Variants in KSR1 observed in about 807,000 individuals in gnomAD.
KSR1 encodes kinase suppressor of ras.
In KSR1, 35 loss-of-function variants were observed where a neutral mutation model predicts 92.9. The observed-to-expected ratio is 0.38, with a 90% CI of 0.29 to 0.50. The LOEUF is 0.50. Among genes scored for constraint, KSR1 ranks in the 20% least tolerant of loss-of-function variants. The pLI, the probability that KSR1 is intolerant of heterozygous loss-of-function variation, is 0.94. For synonymous variants in KSR1, 467 were observed against 472.6 expected (o/e 0.99, Z 0.15); for missense variants, 972 against 1,158.5 (o/e 0.84, Z 2.34).
At chr17:27,540,102 C>T (rs2070902118) in intron 1 of KSR1, among the ~76,000 whole-genome samples, 1 of 152,248 alleles carries the variant, frequency 6.6e-6, no homozygotes, top group Non-Finnish European at 1.5e-5. Context: ...TCTTCTTTCC[C>T]TGACTGCTCA....
intron 3 of KSR1, among the ~76,000 whole-genome samples, chr17:27,581,466 G>A (rs978070828): frequency 3.9e-5 from 6 of 151,914 alleles, no homozygotes; most frequent in African/African-American, 1.5e-4. Flanking sequence ...AGAACTCTTC[G>A]TAGTGACCAG....
chr17:27,536,267 T>C (rs752970831), intron 1 of KSR1, among the ~76,000 whole-genome samples: 1 of 152,070 alleles, frequency 6.6e-6, no homozygotes, highest in Non-Finnish European at 1.5e-5. Flanking sequence ...CTTGGGTGGC[T>C]CATTTGCTGG....
intron 2 of KSR1, among the ~76,000 whole-genome samples, chr17:27,567,584 T>C (rs999712888): frequency 6.6e-6 from 1 of 152,190 alleles, no homozygotes; most frequent in Non-Finnish European, 1.5e-5. Context: ...TGCACAGGGC[T>C]CTGGGCCCAC....
chr17:27,539,294 A>G (rs2070871988), intron 1 of KSR1, among the ~76,000 whole-genome samples: 1 of 152,100 alleles, frequency 6.6e-6, no homozygotes, highest in African/African-American at 2.4e-5. Flanking sequence ...TGTGTGTTTG[A>G]ACTGGGACAC....
chr17:27,614,990 T>C (rs1331032543), intron 18 of KSR1, among the ~76,000 whole-genome samples: 1 of 152,230 alleles, frequency 6.6e-6, no homozygotes, highest in Non-Finnish European at 1.5e-5. Flanking sequence ...CACACTGCTG[T>C]ATAGTTCACC....
rs71372333 is a variant in KSR1, at chr17:27,622,319, C to T, written c.2709-995C>T. On this transcript the variant is annotated intron_variant, in intron 20 of 20. Coordinates refer to ENST00000644974, the MANE Select transcript of KSR1 (RefSeq NM_001394583.1). ...ACCTTAGTGAGATGCCTTCCACCCT[C>T]CTGAGCACACCAGCCTCCCACTGGG... 1,501 of 234,400 alleles carry T rather than the reference C, an allele frequency of 6.4e-3. 8 individuals carry two copies. The highest frequency in any genetic ancestry group is 9.1e-3 in the Non-Finnish European group (1,098 of 120,536). The allele number at this position is 234,400 out of a possible 1,614,324, so 14.5% of individuals were successfully genotyped here. A position where few individuals can be genotyped will look rare whatever the true frequency, so the allele number is the denominator to read the frequency against.
Position 27,526,661 on chromosome 17 carries a change from C to G in KSR1, c.232-23907C>G. 4.5e-6 allele frequency: 7 copies of G among 1,557,668 alleles called. No individual in the cohort carries two copies. The Admixed American group carries it at 5.0e-5, about 11-fold the overall frequency. The stretch of plus-strand genomic sequence containing the variant: ...TAAAGCACCTTCCTGAGAGATTTTG[C>G]TCATGTAGTTTTTATTGGCTGTTAT... On this transcript the variant is annotated intron_variant, in intron 1 of 20. Coordinates refer to ENST00000644974, the MANE Select transcript of KSR1 (RefSeq NM_001394583.1).
Position 27,541,055 on chromosome 17 carries a change from G to A in KSR1, c.232-9513G>A, listed in dbSNP as rs542439676. Among the ~76,000 whole-genome samples, 15 of 152,382 alleles carry A rather than the reference G, an allele frequency of 9.8e-5. No individual in the cohort carries two copies. The South Asian group carries it at 3.1e-3, about 32-fold the overall frequency. On this transcript the variant is annotated intron_variant, in intron 1 of 20. Coordinates refer to ENST00000644974, the MANE Select transcript of KSR1 (RefSeq NM_001394583.1). ...CAGCAGCTTCAGGGACCACTGGAAT[G>A]AAGGCTGGAGTAAGTTGCCAGGGCT... is the stretch of plus-strand genomic sequence containing the variant.
Position 27,456,489 on chromosome 17 carries a change from G to A in KSR1, c.-155G>A. On this transcript the variant is annotated 5_prime_UTR_variant, in exon 1 of 21. Transcript: ENST00000644974. ...CTTTGCTGCCGCGGCTGGGAGGGTG[G>A]AAGCGGCAGACTCAGCGGCCGGCTC... is the stretch of plus-strand genomic sequence containing the variant. 2.5e-6 allele frequency: 1 copy of A among 393,242 alleles called. No individual in the cohort carries two copies. Among genetic ancestry groups the A allele is most frequent in the Admixed American group, 4.6e-5 (1 of 21,880 alleles). The allele number at this position is 393,242 out of a possible 1,614,324, so 24.4% of individuals were successfully genotyped here.
chr17:27,532,615 G>T (rs1835334151), intron 1 of KSR1, among the ~76,000 whole-genome samples: 1 of 152,222 alleles, frequency 6.6e-6, no homozygotes, highest in African/African-American at 2.4e-5. Flanking sequence ...CTGGTTCTTT[G>T]TCAGCGGGTG....
intron 5 of KSR1, among the ~76,000 whole-genome samples, chr17:27,586,799 G>T (rs1013687321): frequency 6.6e-5 from 10 of 152,166 alleles, no homozygotes; most frequent in African/African-American, 9.7e-5. Context: ...GGCTTTTGGG[G>T]CTAATTGATT....
chr17:27,607,280 C>G (rs979325535), intron 14 of KSR1, among the ~76,000 whole-genome samples: 13 of 152,106 alleles, frequency 8.5e-5, no homozygotes, highest in Non-Finnish European at 1.9e-4. Context: ...GAATATTTTC[C>G]TAAAAACATA....
At chr17:27,532,035 G>T (rs1365886753) in intron 1 of KSR1, among the ~76,000 whole-genome samples, 1 of 152,216 alleles carries the variant, frequency 6.6e-6, no homozygotes, top group Non-Finnish European at 1.5e-5. Context: ...TCTACTTTGT[G>T]TGAGTTTGAC....
intron 1 of KSR1, among the ~76,000 whole-genome samples, chr17:27,463,850 G>C (rs950685073): frequency 1.2e-4 from 19 of 152,246 alleles, no homozygotes; most frequent in Middle Eastern, 3.4e-3. Flanking sequence ...GCTATTTGGG[G>C]TGCCTGGCTT....
rs1157577943 is a variant in KSR1 at position 27,588,500 on chromosome 17, G to C, written c.1011G>C (p.Met337Ile). ...RFDLSHGSPQ[M>I]VRRDIGLSVT... Reference sequence around the variant, plus strand: ...ATCTCTCGCATGGATCCCCACAGATGGTACGGAGGGATATCGGGCTGTCGG... The same window carrying C: ...ATCTCTCGCATGGATCCCCACAGATCGTACGGAGGGATATCGGGCTGTCGG... Residue 337 changes from methionine to isoleucine, a missense_variant, in exon 6 of 21, where the codon ATG (methionine) becomes ATC (isoleucine). Around this residue, in one of 5 missense-constraint regions of KSR1, gnomAD observed 611 missense variants for 668.0 expected, o/e 0.91. Transcript: ENST00000644974. The C allele has an allele frequency of 6.3e-7, 1 of 1,591,378 alleles. No individual in the cohort carries two copies. The highest frequency in any genetic ancestry group is 2.3e-5 in the East Asian group (1 of 43,942).
intron 19 of KSR1, among the ~76,000 whole-genome samples, chr17:27,620,220 G>A (rs1421330048): frequency 1.3e-5 from 2 of 152,214 alleles, no homozygotes; most frequent in Non-Finnish European, 2.9e-5. Context: ...GGATGGGTCG[G>A]AGTCCAGTAC....
At chr17:27,516,552 T>C (rs1214119502) in intron 1 of KSR1, among the ~76,000 whole-genome samples, 1 of 151,866 alleles carries the variant, frequency 6.6e-6, no homozygotes, top group African/African-American at 2.4e-5. Flanking sequence ...CCTTTCTTCC[T>C]TCCATCATTT....
intron 1 of KSR1, among the ~76,000 whole-genome samples, chr17:27,482,049 T>C (rs1479386574): frequency 1.3e-5 from 2 of 152,178 alleles, no homozygotes; most frequent in African/African-American, 2.4e-5. Flanking sequence ...TTAAATGTTA[T>C]AGCGCATGCC....
intron 2 of KSR1, among the ~76,000 whole-genome samples, chr17:27,550,978 C>T (rs1357003328): frequency 6.6e-6 from 1 of 152,188 alleles, no homozygotes; most frequent in African/African-American, 2.4e-5. Context: ...GCCAACGTAT[C>T]TGGAAGCATT....
Sources: gnomAD v4.1 joint callset for allele counts (sites outside exome capture counted in the v4.1 genomes callset) on GRCh38, gnomAD v4.1.1 for gene constraint, gnomAD v4.1.1 regional missense constraint, MANE v1.5 for transcripts, NCBI Gene and HGNC (gene_info 2026-07-23, HGNC 2026-07-21) for gene names.